CPNE8: variants seen among roughly 807,000 people sequenced by gnomAD.
CPNE8 encodes the protein copine 8.
In CPNE8, 45 loss-of-function variants were observed where a neutral mutation model predicts 81.5. The ratio of observed to expected loss-of-function variants is 0.55; its 90% CI spans 0.44 to 0.71. The LOEUF is 0.71. Ranked by LOEUF, CPNE8 falls within the 30% of genes least tolerant of loss-of-function variation. The pLI is 0.00. For missense variants in CPNE8, 594 were observed against 672.1 expected, an observed-to-expected ratio of 0.88 and a Z score of 1.28; for synonymous variants, 252 against 226.3, an observed-to-expected ratio of 1.11 and a Z score of -1.02.
chr12:38,828,364 G>T (rs1185668931), intron 6 of CPNE8, among the ~76,000 whole-genome samples: 4 of 152,038 alleles, frequency 2.6e-5, no homozygotes, highest in Non-Finnish European at 5.9e-5. Flanking sequence ...TTTAAAATGG[G>T]AGCTGATATA....
intron 6 of CPNE8, among the ~76,000 whole-genome samples, chr12:38,777,149 T>C (rs1941954349): frequency 6.6e-6 from 1 of 152,070 alleles, no homozygotes; most frequent in African/African-American, 2.4e-5. Flanking sequence ...CCCTGAAGGT[T>C]TTCCAGTGGG....
chr12:38,794,268 C>T (rs905072243), intron 6 of CPNE8, among the ~76,000 whole-genome samples: 25 of 152,042 alleles, frequency 1.6e-4, no homozygotes, highest in East Asian at 5.8e-4. Context: ...AAGCAATTTA[C>T]AGAATGGGAG....
chr12:38,696,463 C>T (rs762403990), intron 14 of CPNE8, among the ~76,000 whole-genome samples: 8 of 151,802 alleles, frequency 5.3e-5, no homozygotes, highest in Non-Finnish European at 1.2e-4. Context: ...TGCAAAGATG[C>T]TTTTAAACAA....
At chr12:38,795,310 C>T (rs1388313561) in intron 6 of CPNE8, among the ~76,000 whole-genome samples, 1 of 152,186 alleles carries the variant, frequency 6.6e-6, no homozygotes, top group African/African-American at 2.4e-5. Context: ...CTGATTAATA[C>T]AATGGACTTC....
chr12:38,703,650 AG>A (rs1940010755), intron 13 of CPNE8, among the ~76,000 whole-genome samples: 2 of 152,188 alleles, frequency 1.3e-5, no homozygotes, highest in Non-Finnish European at 2.9e-5. Flanking sequence ...TGGGAAAATA[AG>A]TCAAACTATC....
intron 6 of CPNE8, among the ~76,000 whole-genome samples, chr12:38,821,301 CCTAACAGTTT>C (rs1180167823): frequency 6.6e-6 from 1 of 151,986 alleles, no homozygotes; most frequent in African/African-American, 2.4e-5. Context: ...ATACTTAGTA[CCTAACAGTTT>C]CTGATCCATA....
chr12:38,905,987 G>C (rs557950457), upstream of CPNE8: 1 of 985,284 alleles, frequency 1.0e-6, no homozygotes, highest in Admixed American at 6.1e-5. Flanking sequence ...ACCCACACTC[G>C]CCTCCTGGGC....
chr12:38,702,747 ATG>A, intron 14 of CPNE8, 126 bp downstream of exon 14: 1 of 502,122 alleles, frequency 2.0e-6, no homozygotes, highest in Non-Finnish European at 3.4e-6. Context: ...AGAAAAAATT[ATG>A]TAAATTTTAT....
At chr12:38,882,871 G>C (rs1473957251) in intron 1 of CPNE8, among the ~76,000 whole-genome samples, 3 of 152,096 alleles carry the variant, frequency 2.0e-5, no homozygotes, top group Non-Finnish European at 4.4e-5. Context: ...TCTACACTTA[G>C]ACGTTTTACC....
chr12:38,762,276 T>TTTAG (rs1227711316), intron 8 of CPNE8, 60 bp from the exon 9 acceptor site: 1 of 904,888 alleles, frequency 1.1e-6, no homozygotes, highest in Non-Finnish European at 1.7e-6. Context: ...GATCTATTGT[T>TTTAG]TTAGTAGCCA....
At chr12:38,884,218 G>A (rs929955521) in intron 1 of CPNE8, among the ~76,000 whole-genome samples, 1 of 151,934 alleles carries the variant, frequency 6.6e-6, no homozygotes, top group Non-Finnish European at 1.5e-5. Context: ...CGAGCCCCTG[G>A]TAACCACTAA....
intron 1 of CPNE8, among the ~76,000 whole-genome samples, chr12:38,875,022 C>T (rs377765409): frequency 7.9e-5 from 12 of 152,076 alleles, no homozygotes; most frequent in African/African-American, 1.2e-4. Context: ...GTTGCTATTA[C>T]GGTTTCGGAA....
rs115459437 is a variant in CPNE8, at chr12:38,782,120, C to T, written c.408-5819G>A. On this transcript the variant is annotated intron_variant, in intron 6 of 19. Coordinates refer to ENST00000331366, the MANE Select transcript of CPNE8 (RefSeq NM_153634.3). ...ACAAATGTATTAAATACCATGGTAA[C>T]ACAAGATGTTAATGTTAGAAGAAAC... Among the ~76,000 whole-genome samples the T allele has an allele frequency of 2.6e-3, 390 of 152,178 alleles. 3 individuals are homozygous for T. Among genetic ancestry groups the T allele is most frequent in the African/African-American group, 9.0e-3 (376 of 41,560 alleles).
chr12:38,658,302 G>A (rs1398305862), intron 19 of CPNE8, among the ~76,000 whole-genome samples: 3 of 152,112 alleles, frequency 2.0e-5, no homozygotes, highest in Admixed American at 6.6e-5. Flanking sequence ...GGATATCAGT[G>A]ATTGAAGATC....
intron 16 of CPNE8, among the ~76,000 whole-genome samples, chr12:38,680,193 A>G (rs1324806080): frequency 6.6e-6 from 1 of 151,988 alleles, no homozygotes; most frequent in African/African-American, 2.4e-5. Flanking sequence ...ATAAAAGTTC[A>G]TATCTGGTTG....
rs189103633 is a variant in CPNE8, at chr12:38,858,442, T to C, written c.187-9780A>G. 3.6e-3 allele frequency among the ~76,000 whole-genome samples: 556 copies of C among 152,336 alleles called. 2 individuals are homozygous for C. The highest frequency in any genetic ancestry group is 0.013 in the African/African-American group (533 of 41,572). On this transcript the variant is annotated intron_variant, in intron 3 of 19. Transcript: ENST00000331366. ...GCTCTTTGCAAGCAGGGCTACACCATAGGCAATGTGCCAAAGTAGCAGCTC... is the reference window on the plus strand; with the variant it reads ...GCTCTTTGCAAGCAGGGCTACACCACAGGCAATGTGCCAAAGTAGCAGCTC...
At chr12:38,685,047 T>G (rs1201629807) in intron 16 of CPNE8, among the ~76,000 whole-genome samples, 2 of 152,190 alleles carry the variant, frequency 1.3e-5, no homozygotes, top group Admixed American at 1.3e-4. Context: ...TTCAGAGAGA[T>G]TAAAATAATG....
At chr12:38,821,484 A>G (rs1370794600) in intron 6 of CPNE8, among the ~76,000 whole-genome samples, 1 of 152,122 alleles carries the variant, frequency 6.6e-6, no homozygotes, top group African/African-American at 2.4e-5. Flanking sequence ...TTTCTTTCCT[A>G]AACTGGGATG....
At chr12:38,755,947 G>C (rs1339474085) in intron 10 of CPNE8, among the ~76,000 whole-genome samples, 1 of 148,208 alleles carries the variant, frequency 6.7e-6, no homozygotes, top group Non-Finnish European at 1.5e-5. Context: ...GGCTGAGGCA[G>C]GAGAATGACG....
Sources: allele counts gnomAD v4.1 joint callset (sites outside exome capture counted in the v4.1 genomes callset), GRCh38; gene constraint gnomAD v4.1.1; transcripts MANE v1.5; gene names NCBI Gene and HGNC (gene_info 2026-07-23, HGNC 2026-07-21).